Variants in KIF1C observed in about 807,000 individuals in gnomAD.
The protein encoded by KIF1C is kinesin-like protein KIF1C.
Under a neutral mutation model 126.5 loss-of-function variants are expected in KIF1C, and 61 were observed. The observed-to-expected ratio is 0.48, with a 90% CI of 0.39 to 0.60. The LOEUF is 0.60. Ranked by LOEUF, KIF1C falls within the 20% of genes least tolerant of loss-of-function variation. The pLI, the probability that KIF1C is intolerant of heterozygous loss-of-function variation, is 0.00. For synonymous variants in KIF1C, 640 were observed against 580.6 expected, an observed-to-expected ratio of 1.10 and a Z score of -1.47; for missense variants, 1,315 against 1,489.2, an observed-to-expected ratio of 0.88 and a Z score of 1.93.
chr17:5,008,741 G>A (rs1322619861), intron 16 of KIF1C, among the ~76,000 whole-genome samples: 1 of 152,220 alleles, frequency 6.6e-6, no homozygotes, highest in Non-Finnish European at 1.5e-5. Context: ...GTCTGGGGCT[G>A]GGTACCCTGG....
Position 5,023,720 on chromosome 17 carries a change from G to A in KIF1C, c.2881G>A (p.Gly961Arg). The A allele has an allele frequency of 6.5e-7, 1 of 1,543,632 alleles. No homozygotes were observed. Among genetic ancestry groups the A allele is most frequent in the Non-Finnish European group, 8.7e-7 (1 of 1,147,796 alleles). Residue 961 changes from glycine (G) to arginine (R), a missense_variant, in exon 23 of 23, where the codon GGG (glycine) becomes AGG (arginine). Gly to Arg is a moderately radical substitution (Grantham distance 125). Transcript: ENST00000320785. This position sits in a 1 kb window ranked among gnomAD's most constrained non-coding sequence, Gnocchi z 4.2. ...GCAGGGCTCTGGGGGCCGGGGCGGG[G>A]GGCTGCGCAGGCCCCCAGCCCGCTT... is the stretch of plus-strand genomic sequence containing the variant. ...GLQGSGGRGG[G>R]LRRPPARFVP...
Position 5,022,176 on chromosome 17 carries a change from C to T in KIF1C, c.2095C>T (p.Leu699=). The T allele has an allele frequency of 6.2e-7, 1 of 1,614,068 alleles. No individual in the cohort carries two copies. Among genetic ancestry groups the T allele is most frequent in the Non-Finnish European group, 8.5e-7 (1 of 1,179,968 alleles). ...GCTCATCTCCTCCTTGCGGGAGCAG[C>T]TGCCGCCCACCACGGTCCAGACCAT... is the stretch of plus-strand genomic sequence containing the variant. ...WRLISSLREQ[L]PPTTVQTIVK... Residue 699 remains leucine, a synonymous_variant, in exon 22 of 23, where the codon CTG becomes TTG. Coordinates refer to ENST00000320785, the MANE Select transcript of KIF1C (RefSeq NM_006612.6). The surrounding 1 kb of genome is among the most constrained non-coding windows in gnomAD (Gnocchi z 4.9).
At position 5,001,647 on chromosome 17, in the gene KIF1C, G is replaced by A. The variant is rs1006705779; in HGVS notation, c.363+246G>A. Among the ~76,000 whole-genome samples, 24 of 152,326 alleles carry A rather than the reference G, an allele frequency of 1.6e-4. 1 individual carries two copies. The highest frequency in any genetic ancestry group is 6.8e-3 in the Middle Eastern group (2 of 294). On this transcript the variant is annotated intron_variant, in intron 5 of 22. Transcript: ENST00000320785. ...GCATCAGTGAGCCTTGGGTTCGAGCGCCAGTTTTACGACTTACTACTGTTT... is the reference window on the plus strand; with the variant it reads ...GCATCAGTGAGCCTTGGGTTCGAGCACCAGTTTTACGACTTACTACTGTTT...
chr17:5,020,485 T>A lies in KIF1C; in HGVS notation c.1751-7T>A, dbSNP rs148404628. 8.8e-3 allele frequency: 14,111 copies of A among 1,604,314 alleles called. 82 individuals carry two copies. Among genetic ancestry groups the A allele is most frequent in the Middle Eastern group, 0.013 (77 of 5,996 alleles). On this transcript the variant is annotated splice_polypyrimidine_tract_variant and splice_region_variant and intron_variant, in intron 19 of 22. Coordinates refer to ENST00000320785, the MANE Select transcript of KIF1C (RefSeq NM_006612.6). This position sits in a 1 kb window ranked among gnomAD's most constrained non-coding sequence, Gnocchi z 5.8. ...GCGAGTTTACTTTTCCCTCCTCCCA[T>A]CTCTAGGGAATAGGATTGTGATGGG...
At position 5,007,047 on chromosome 17, in the gene KIF1C, C is replaced by A. The variant is rs1282621759; in HGVS notation, c.1298C>A (p.Ser433Tyr). The change falls in exon 14 of 23, where the codon TCC becomes TAC. Residue 433 changes from serine (S) to tyrosine (Y), a missense_variant. Ser to Tyr is a moderately radical substitution (Grantham distance 144). Around this residue, in one of 2 missense-constraint regions of KIF1C, gnomAD observed 874 missense variants for 1,053.2 expected, o/e 0.83. Transcript: ENST00000320785. Reference sequence around the variant, plus strand: ...CCGTCATTCTCCCCCAACACGGAGTCCCAGATTGGGCCTGAGGAAGCCATG... The same window carrying A: ...CCGTCATTCTCCCCCAACACGGAGTACCAGATTGGGCCTGAGGAAGCCATG... The part of the protein sequence containing the change: ...LEPSFSPNTE[S>Y]QIGPEEAMER... The A allele has an allele frequency of 1.2e-6, 2 of 1,605,168 alleles. No homozygotes were observed. Among genetic ancestry groups the A allele is most frequent in the Non-Finnish European group, 1.7e-6 (2 of 1,177,370 alleles).
chr17:5,024,685 A>G lies in KIF1C; in HGVS notation c.*534A>G, dbSNP rs1975176167. The G allele has an allele frequency of 6.5e-6, 1 of 153,712 alleles. No homozygotes were observed. The highest frequency in any genetic ancestry group is 6.5e-5 in the Admixed American group (1 of 15,374). The allele number at this position is 153,712 out of a possible 1,614,324, so 9.5% of individuals were successfully genotyped here. ...CCCATGAGGATGTGGGCCCTTTAAT[A>G]AAGGATAGCAAACAGGGAGCTTGTG... On this transcript the variant is annotated 3_prime_UTR_variant, in exon 23 of 23. Coordinates refer to ENST00000320785, the MANE Select transcript of KIF1C (RefSeq NM_006612.6).
chr17:5,023,701 C>G lies in KIF1C; in HGVS notation c.2862C>G (p.Gly954=). ...AGCTACGGCTGCAGGGACTGCAGGG[C>G]TCTGGGGGCCGGGGCGGGGGGCTGC... The part of the protein sequence containing the change: ...QEQLRLQGLQ[G]SGGRGGGLRR... The change falls in exon 23 of 23, where the codon GGC becomes GGG. Residue 954 remains glycine, a synonymous_variant. Coordinates refer to ENST00000320785, the MANE Select transcript of KIF1C (RefSeq NM_006612.6). This position sits in a 1 kb window ranked among gnomAD's most constrained non-coding sequence, Gnocchi z 4.2. 2 of 1,577,160 alleles carry G rather than the reference C, an allele frequency of 1.3e-6. No individual in the cohort carries two copies. Among genetic ancestry groups the G allele is most frequent in the South Asian group, 2.3e-5 (2 of 86,680 alleles).
Position 5,023,740 on chromosome 17 carries a change from C to T in KIF1C, c.2901C>T (p.Ala967=), listed in dbSNP as rs762359132. The change falls in exon 23 of 23, where the codon GCC becomes GCT. Residue 967 remains alanine, a synonymous_variant. Coordinates refer to ENST00000320785, the MANE Select transcript of KIF1C (RefSeq NM_006612.6). The surrounding 1 kb of genome is among the most constrained non-coding windows in gnomAD (Gnocchi z 4.2). ...GRGGGLRRPP[A]RFVPPHDCKL... is the part of the protein sequence containing the mutation. The stretch of plus-strand genomic sequence containing the variant: ...GCGGGGGGCTGCGCAGGCCCCCAGC[C>T]CGCTTTGTGCCCCCTCACGACTGCA... The T allele has an allele frequency of 6.6e-7, 1 of 1,524,524 alleles. No homozygotes were observed. Among genetic ancestry groups the T allele is most frequent in the Admixed American group, 2.2e-5 (1 of 44,934 alleles). 94.4% of individuals were successfully genotyped at this position (1,524,524 alleles called of 1,614,324 possible).
chr17:5,006,184 C>T (rs1402450749), intron 13 of KIF1C, among the ~76,000 whole-genome samples: 3 of 150,916 alleles, frequency 2.0e-5, no homozygotes, highest in African/African-American at 4.9e-5. Flanking sequence ...TCCAGCCTAG[C>T]GACAGAGCAA....
In KIF1C at chr17:5,007,539, G is replaced by A. The variant is rs1269015879; in HGVS notation, c.1488G>A (p.Lys496=). ...GAACTGTGGGCGTCTTCTCTCCAAAGAAGGTGAGTGAGGAATCGAGCGAGG... is the reference window on the plus strand; with the variant it reads ...GAACTGTGGGCGTCTTCTCTCCAAAAAAGGTGAGTGAGGAATCGAGCGAGG... ...DGGTVGVFSP[K]KTPHLVNLNE... Residue 496 remains lysine, a synonymous_variant, in exon 16 of 23, where the codon AAG becomes AAA. Coordinates refer to ENST00000320785, the MANE Select transcript of KIF1C (RefSeq NM_006612.6). The A allele has an allele frequency of 3.2e-6, 5 of 1,547,610 alleles. No individual in the cohort carries two copies. Among genetic ancestry groups the A allele is most frequent in the Non-Finnish European group, 4.4e-6 (5 of 1,148,958 alleles).
chr17:5,001,109 C>A, intron 4 of KIF1C, 113 bp from the exon 5 acceptor site: 1 of 1,165,488 alleles, frequency 8.6e-7, no homozygotes, highest in Non-Finnish European at 1.3e-6. Flanking sequence ...TGGGAGGGCA[C>A]ACAGGACATT....
chr17:5,000,887 G>A, intron 4 of KIF1C, 39 bp downstream of exon 4: 1 of 1,586,848 alleles, frequency 6.3e-7, no homozygotes, highest in South Asian at 1.1e-5. Context: ...GGCAGTGAGA[G>A]ACAGAGGATT....
Position 5,022,474 on chromosome 17 carries a change from C to T in KIF1C, c.2393C>T (p.Ala798Val). 6.3e-7 allele frequency: 1 copy of T among 1,586,664 alleles called. No individual in the cohort carries two copies. Among genetic ancestry groups the T allele is most frequent in the Non-Finnish European group, 8.6e-7 (1 of 1,165,224 alleles). The change falls in exon 22 of 23, where the codon GCT becomes GTT. Residue 798 changes from alanine (A) to valine (V), a missense_variant. Physicochemically the swap from Ala to Val is moderately conservative, Grantham distance 64 (BLOSUM62 0). Coordinates refer to ENST00000320785, the MANE Select transcript of KIF1C (RefSeq NM_006612.6). This position sits in a 1 kb window ranked among gnomAD's most constrained non-coding sequence, Gnocchi z 4.9. ...KPDGPGDAWR[A>V]VARDVWDTVG... ...GACGGCCCCGGAGACGCCTGGAGGG[C>T]TGTGGCCCGGGATGTCTGGGACACT... is the stretch of plus-strand genomic sequence containing the variant.
At chr17:5,015,083 G>A (rs969804462) in intron 18 of KIF1C, among the ~76,000 whole-genome samples, 2 of 152,174 alleles carry the variant, frequency 1.3e-5, no homozygotes, top group Non-Finnish European at 2.9e-5. Context: ...AGGGTTCTAA[G>A]GTAGAAATGG....
intron 5 of KIF1C, 108 bp downstream of exon 5, chr17:5,001,509 G>T: frequency 9.0e-7 from 1 of 1,116,722 alleles, no homozygotes; most frequent in South Asian, 1.5e-5. Context: ...CTGGCTCTGA[G>T]GCCATTGGTG....
At chr17:5,001,966 G>C in intron 5 of KIF1C, 93 bp from the exon 6 acceptor site, 1 of 1,122,162 alleles carries the variant, frequency 8.9e-7, no homozygotes, top group Non-Finnish European at 1.4e-6. Context: ...AGGGTTAAAT[G>C]GGGTCACTTG....
chr17:5,009,991 A>G (rs896219174), intron 16 of KIF1C, among the ~76,000 whole-genome samples: 4 of 152,018 alleles, frequency 2.6e-5, no homozygotes, highest in African/African-American at 7.2e-5. Context: ...CAGTGGCACA[A>G]TCTCAGCTCA....
chr17:4,999,883 G>A lies in KIF1C; in HGVS notation c.-115G>A. 2 of 245,370 alleles carry A rather than the reference G, an allele frequency of 8.2e-6. No homozygotes were observed. The highest frequency in any genetic ancestry group is 6.0e-5 in the South Asian group (1 of 16,758). 15.2% of individuals were successfully genotyped at this position (245,370 alleles called of 1,614,324 possible). On this transcript the variant is annotated 5_prime_UTR_variant, in exon 2 of 23. Coordinates refer to ENST00000320785, the MANE Select transcript of KIF1C (RefSeq NM_006612.6). ...CCAGAGCCCCAGCTGGTGTGGCCAGGCCCCAGGAGTAGGATGGGGCTCCCC... is the reference window on the plus strand; with the variant it reads ...CCAGAGCCCCAGCTGGTGTGGCCAGACCCCAGGAGTAGGATGGGGCTCCCC...
chr17:5,002,113 T>C lies in KIF1C; in HGVS notation c.418T>C (p.Tyr140His), dbSNP rs1974609642. 1 of 1,613,978 alleles carries C rather than the reference T, an allele frequency of 6.2e-7. No individual in the cohort carries two copies. The highest frequency in any genetic ancestry group is 8.5e-7 in the Non-Finnish European group (1 of 1,179,928). The change falls in exon 6 of 23, where the codon TAC becomes CAC. Residue 140 changes from tyrosine to histidine, a missense_variant. Physicochemically the swap from Tyr to His is moderately conservative, Grantham distance 83. Transcript: ENST00000320785. The part of the protein sequence containing the change: ...VSENQSAQLS[Y>H]SVEVSYMEIY... ...TGAGAACCAGAGTGCTCAGCTATCC[T>C]ACTCTGTGGAGGTAAGCCCGGGTCT... is the stretch of plus-strand genomic sequence containing the variant.
Sources: allele counts gnomAD v4.1 joint callset (sites outside exome capture counted in the v4.1 genomes callset), GRCh38; gene constraint gnomAD v4.1.1; regional missense constraint gnomAD v4.1.1; non-coding constraint Gnocchi (gnomAD v3.1); transcripts MANE v1.5; gene names NCBI Gene and HGNC (gene_info 2026-07-23, HGNC 2026-07-21).